Variants in LARP1 observed in about 807,000 individuals in gnomAD.
LARP1 encodes la-related protein 1.
Under a neutral mutation model 122.7 loss-of-function variants are expected in LARP1, and 36 were observed. The ratio of observed to expected loss-of-function variants is 0.29; its 90% CI spans 0.22 to 0.39. The LOEUF (loss-of-function observed/expected upper bound fraction) is 0.39. Among genes scored for constraint, LARP1 ranks in the 10% least tolerant of loss-of-function variants. The probability of loss-of-function intolerance (pLI) is 1.00; values close to 1 mark genes in which losing one functional copy is unlikely to be tolerated. For synonymous variants in LARP1, 539 were observed against 528.7 expected (o/e 1.02, Z -0.27); for missense variants, 1,040 against 1,403.6 (o/e 0.74, Z 4.14).
chr5:154,799,716 C>A lies in LARP1; in HGVS notation c.1503C>A (p.Asn501Lys). ...YSQTDFSQLL[N>K]CPEFVPRQHY... Reference sequence around the variant, plus strand: ...AGACTGATTTCTCCCAGCTTCTCAACTGCCCTGAATTTGTTCCCCGTCAGC... The same window carrying A: ...AGACTGATTTCTCCCAGCTTCTCAAATGCCCTGAATTTGTTCCCCGTCAGC... Residue 501 changes from asparagine to lysine, a missense_variant, in exon 9 of 19, where the codon AAC becomes AAA. Transcript: ENST00000518297. 6.2e-7 allele frequency: 1 copy of A among 1,614,238 alleles called. No individual in the cohort carries two copies. Among genetic ancestry groups the A allele is most frequent in the Non-Finnish European group, 8.5e-7 (1 of 1,180,048 alleles).
At position 154,756,414 on chromosome 5, in the gene LARP1, G is replaced by T. The variant is rs1391560176; in HGVS notation, c.436+221G>T. 4 of 995,316 alleles carry T rather than the reference G, an allele frequency of 4.0e-6. No homozygotes were observed. In the African/African-American group the frequency reaches 7.0e-5, roughly 17 times the overall value. 61.7% of individuals were successfully genotyped at this position (995,316 alleles called of 1,614,324 possible). Reference sequence around the variant, plus strand: ...AGGGCCCGGCCTCCGGGAGGCTACGGCCACCGCCTGGGCCGCAGCGGTTAG... The same window carrying T: ...AGGGCCCGGCCTCCGGGAGGCTACGTCCACCGCCTGGGCCGCAGCGGTTAG... On this transcript the variant is annotated intron_variant, in intron 1 of 18. Coordinates refer to ENST00000518297, the MANE Select transcript of LARP1 (RefSeq NM_033551.3).
At chr5:154,790,058 C>T (rs1757218868) in intron 1 of LARP1, among the ~76,000 whole-genome samples, 1 of 152,348 alleles carries the variant, frequency 6.6e-6, no homozygotes, top group Non-Finnish European at 1.5e-5. Flanking sequence ...GGGCCTCCCA[C>T]CTGAGTCTGG....
chr5:154,785,134 G>T (rs1756778407), intron 1 of LARP1, among the ~76,000 whole-genome samples: 1 of 152,238 alleles, frequency 6.6e-6, no homozygotes, highest in East Asian at 1.9e-4. Flanking sequence ...AAACTACAAA[G>T]TTTGGAAGCC....
Position 154,802,452 on chromosome 5 carries a change from G to T in LARP1, c.2109+53G>T. The T allele has an allele frequency of 6.6e-7, 1 of 1,511,646 alleles. No homozygotes were observed. 93.6% of individuals were successfully genotyped at this position (1,511,646 alleles called of 1,614,324 possible). ...GGAGCCTGGTGTGCCTGTATTGTAC[G>T]GAGAAGAGGAAGCCTGATTAGCTGT... On this transcript the variant is annotated intron_variant, in intron 11 of 18. Coordinates refer to ENST00000518297, the MANE Select transcript of LARP1 (RefSeq NM_033551.3). This position sits in a 1 kb window ranked among gnomAD's most constrained non-coding sequence, Gnocchi z 5.1.
At position 154,814,149 on chromosome 5, in the gene LARP1, G is replaced by A; in HGVS notation, c.*53G>A. On this transcript the variant is annotated 3_prime_UTR_variant, in exon 19 of 19. Coordinates refer to ENST00000518297, the MANE Select transcript of LARP1 (RefSeq NM_033551.3). ...GGGGAAAGGGGTAGGGTGGGTAAGA[G>A]TCCATGGGGGTGCCCAGTCCCAGGA... is the stretch of plus-strand genomic sequence containing the variant. 1 of 1,557,616 alleles carries A rather than the reference G, an allele frequency of 6.4e-7. No individual in the cohort carries two copies.
intron 1 of LARP1, among the ~76,000 whole-genome samples, chr5:154,749,504 A>G (rs1290249946): frequency 2.0e-5 from 3 of 152,208 alleles, no homozygotes; most frequent in Admixed American, 6.5e-5. Flanking sequence ...GGAAACAGTC[A>G]GTCCCCACCC....
intron 1 of LARP1, among the ~76,000 whole-genome samples, chr5:154,779,111 A>G (rs150297708): frequency 2.0e-4 from 30 of 152,266 alleles, no homozygotes; most frequent in Middle Eastern, 3.4e-3. Flanking sequence ...TTATGGTACT[A>G]TTACTTCATT....
intron 10 of LARP1, among the ~76,000 whole-genome samples, chr5:154,800,313 A>G (rs1385799085): frequency 6.6e-6 from 1 of 152,212 alleles, no homozygotes; most frequent in East Asian, 1.9e-4. Flanking sequence ...AGCATCTGGC[A>G]GCGATGTTTC....
chr5:154,802,103 C>T lies in LARP1; in HGVS notation c.1813C>T (p.Leu605=). ...CAAGGATCAGGATGAGCAAGAGGAA[C>T]TGGATTTTCTGTTTGACGAGGAGAT... ...MSKDQDEQEE[L]DFLFDEEMEQ... is the part of the protein sequence containing the mutation. The change falls in exon 11 of 19, where the codon CTG becomes TTG. Residue 605 remains leucine (L), a synonymous_variant. Coordinates refer to ENST00000518297, the MANE Select transcript of LARP1 (RefSeq NM_033551.3). The surrounding 1 kb of genome is among the most constrained non-coding windows in gnomAD (Gnocchi z 5.1). 6.2e-7 allele frequency: 1 copy of T among 1,614,178 alleles called. No homozygotes were observed. The highest frequency in any genetic ancestry group is 1.1e-5 in the South Asian group (1 of 91,082).
intron 3 of LARP1, 91 bp downstream of exon 3, chr5:154,790,801 C>G: frequency 8.9e-7 from 1 of 1,128,400 alleles, no homozygotes; most frequent in South Asian, 1.3e-5. Context: ...CAGCTCTTAC[C>G]TTTCTCAGTT....
chr5:154,796,020 TTA>T (rs1221330346), intron 8 of LARP1, among the ~76,000 whole-genome samples: 7 of 99,078 alleles, frequency 7.1e-5, no homozygotes, highest in African/African-American at 1.6e-4. Flanking sequence ...TATTTATATA[TTA>T]TATATATTTT....
intron 18 of LARP1, 60 bp downstream of exon 18, chr5:154,811,700 A>G: frequency 1.9e-6 from 3 of 1,602,004 alleles, no homozygotes; most frequent in Non-Finnish European, 2.6e-6. Flanking sequence ...ACCAGGAATC[A>G]GGATACTTGG....
chr5:154,768,928 G>A lies in LARP1; in HGVS notation c.436+12735G>A, dbSNP rs539035571. The stretch of plus-strand genomic sequence containing the variant: ...GTGATCTCAGCTCACTGCAACCTCC[G>A]CCTGCTGAGTTCAAGCAATTCTCCT... On this transcript the variant is annotated intron_variant, in intron 1 of 18. Transcript: ENST00000518297. Among the ~76,000 whole-genome samples, 17 of 152,118 alleles carry A rather than the reference G, an allele frequency of 1.1e-4. No homozygotes were observed. In the East Asian group the frequency reaches 2.1e-3, roughly 19 times the overall value.
intron 1 of LARP1, among the ~76,000 whole-genome samples, chr5:154,720,758 A>T (rs1456075801): frequency 6.6e-6 from 1 of 152,078 alleles, no homozygotes; most frequent in Non-Finnish European, 1.5e-5. Context: ...CCAAGTTCAG[A>T]GATACCCTGA....
At chr5:154,810,655 T>G (rs1759192698) in intron 16 of LARP1, among the ~76,000 whole-genome samples, 1 of 151,834 alleles carries the variant, frequency 6.6e-6, no homozygotes, top group Non-Finnish European at 1.5e-5. Context: ...ACCTGGCTAA[T>G]TTTTGTATTT....
intron 1 of LARP1, among the ~76,000 whole-genome samples, chr5:154,788,389 C>T (rs1197374384): frequency 1.3e-5 from 2 of 152,160 alleles, no homozygotes; most frequent in African/African-American, 2.4e-5. Context: ...GTAGTGGCTC[C>T]GGTAGGGGGT....
At chr5:154,756,629 T>C (rs867611442) in intron 1 of LARP1, 6 of 452,666 alleles carry the variant, frequency 1.3e-5, no homozygotes, top group African/African-American at 1.1e-4. Flanking sequence ...GTTGTAAATG[T>C]TTAATGAGCA....
rs1254500233 is a variant in LARP1 at position 154,763,821 on chromosome 5, CAT to C, written c.436+7630_436+7631del. ...GGAAGTTTGAGACCAGTCTGGGTAA[CAT>C]AGGGATACCCCATCTCTTACAAAAA... On this transcript the variant is annotated intron_variant, in intron 1 of 18. Transcript: ENST00000518297. 8.6e-5 allele frequency among the ~76,000 whole-genome samples: 13 copies of C among 150,852 alleles called. No homozygotes were observed. The South Asian group carries it at 2.5e-3, about 29-fold the overall frequency.
chr5:154,799,408 A>G (rs1758159482), intron 8 of LARP1, among the ~76,000 whole-genome samples, 183 bp from the exon 9 acceptor site: 1 of 152,146 alleles, frequency 6.6e-6, no homozygotes, highest in African/African-American at 2.4e-5. Flanking sequence ...TTATGCTGGT[A>G]CCTCCTACAA....
Sources: allele counts gnomAD v4.1 joint callset (sites outside exome capture counted in the v4.1 genomes callset), GRCh38; gene constraint gnomAD v4.1.1; non-coding constraint Gnocchi (gnomAD v3.1); transcripts MANE v1.5; gene names NCBI Gene and HGNC (gene_info 2026-07-23, HGNC 2026-07-21).